Variants in METTL15 observed in about 807,000 individuals in gnomAD.
METTL15 encodes methyltransferase 15, mitochondrial 12S rRNA N4-cytidine.
Under a neutral mutation model 38.3 loss-of-function variants are expected in METTL15, and 34 were observed. That is an observed-to-expected ratio of 0.89 (90% CI 0.68 to 1.18). The LOEUF (loss-of-function observed/expected upper bound fraction) is 1.18. Ranked by LOEUF, METTL15 falls within the 50% of genes most tolerant of loss-of-function variation. The pLI, the probability that METTL15 is intolerant of heterozygous loss-of-function variation, is 0.00. For synonymous variants in METTL15, 162 were observed against 170.9 expected, an observed-to-expected ratio of 0.95 and a Z score of 0.41; for missense variants, 438 against 498.4, an observed-to-expected ratio of 0.88 and a Z score of 1.15.
chr11:28,152,370 A>G (rs181741930), intron 3 of METTL15, among the ~76,000 whole-genome samples: 1 of 152,100 alleles, frequency 6.6e-6, no homozygotes, highest in East Asian at 1.9e-4. Flanking sequence ...GTGAGGAGGA[A>G]GTAGGCTTTA....
intron 4 of METTL15, among the ~76,000 whole-genome samples, chr11:28,288,283 T>C (rs773135318): frequency 1.3e-5 from 2 of 152,104 alleles, no homozygotes; most frequent in Non-Finnish European, 2.9e-5. Flanking sequence ...AAGTCAGAAA[T>C]ACCATTCAAC....
chr11:28,287,154 CAATGTGTGTGTGTGTGT>C (rs1482458264), intron 4 of METTL15: 16 of 85,444 alleles, frequency 1.9e-4, no homozygotes, highest in African/African-American at 7.4e-4. Flanking sequence ...GAGAGAGAGA[CAATGTGTGTGTGTGTGT>C]GTGTGTGTGT....
At chr11:28,518,294 T>C (rs1851736117) in intron 6 of METTL15, among the ~76,000 whole-genome samples, 1 of 152,196 alleles carries the variant, frequency 6.6e-6, no homozygotes, top group Non-Finnish European at 1.5e-5. Flanking sequence ...GGGAAGGAAC[T>C]ATCCTGGTTG....
intron 5 of METTL15, among the ~76,000 whole-genome samples, chr11:28,375,659 T>G (rs994699603): frequency 1.4e-4 from 22 of 152,174 alleles, no homozygotes; most frequent in African/African-American, 5.1e-4. Context: ...TTTGTGTCTC[T>G]ATTTCCTTCA....
At chr11:28,200,609 T>G (rs925197623) in intron 3 of METTL15, among the ~76,000 whole-genome samples, 1 of 152,186 alleles carries the variant, frequency 6.6e-6, no homozygotes, top group African/African-American at 2.4e-5. Flanking sequence ...AGTAAAATTT[T>G]TTTTTGTCCT....
chr11:28,374,209 T>G (rs1850279904), intron 5 of METTL15, among the ~76,000 whole-genome samples: 1 of 152,126 alleles, frequency 6.6e-6, no homozygotes, highest in African/African-American at 2.4e-5. Flanking sequence ...AAGAAAGTCA[T>G]TGGTAGCTTG....
chr11:28,146,177 A>G (rs953253663), intron 3 of METTL15, among the ~76,000 whole-genome samples: 2 of 152,050 alleles, frequency 1.3e-5, no homozygotes, highest in Admixed American at 6.6e-5. Context: ...AACTTTCTGG[A>G]AAGTTGTTCC....
At chr11:28,116,530 G>A (rs750253148) in intron 3 of METTL15, among the ~76,000 whole-genome samples, 3 of 152,178 alleles carry the variant, frequency 2.0e-5, no homozygotes, top group Non-Finnish European at 4.4e-5. Flanking sequence ...ATGTGCATGT[G>A]TGCACACACC....
intron 6 of METTL15, chr11:28,519,006 G>A (rs774089024): frequency 1.3e-5 from 2 of 152,242 alleles, no homozygotes; most frequent in Non-Finnish European, 2.9e-5. Flanking sequence ...TCAGGGAGGA[G>A]AGTCATTGCT....
At chr11:28,199,670 C>T (rs1852036102) in intron 3 of METTL15, among the ~76,000 whole-genome samples, 1 of 151,832 alleles carries the variant, frequency 6.6e-6, no homozygotes, top group African/African-American at 2.4e-5. Flanking sequence ...AAGTAAATGG[C>T]TCCAATATAC....
In METTL15 at chr11:28,375,463, T is replaced by C. The variant is rs1158098264; in HGVS notation, c.*358+13427T>C. Among the ~76,000 whole-genome samples, 13 of 152,004 alleles carry C rather than the reference T, an allele frequency of 8.6e-5. No individual in the cohort carries two copies. The South Asian group carries it at 2.7e-3, about 32-fold the overall frequency. ...TCTAGTTTATTTGCATAGAGGTGTT[T>C]GTAGTATTCTCTGATGGTAGTTTGT... On this transcript the variant is annotated intron_variant and NMD_transcript_variant, in intron 5 of 7. Transcript: ENST00000532947.
intron 6 of METTL15, among the ~76,000 whole-genome samples, chr11:28,481,347 GAATACAGC>G (rs1326680228): frequency 6.6e-6 from 1 of 152,200 alleles, no homozygotes; most frequent in Non-Finnish European, 1.5e-5. Flanking sequence ...TTAAGCCGCT[GAATACAGC>G]CCATAGGAAA....
At chr11:28,320,560 C>T (rs1339314346) in intron 6 of METTL15, among the ~76,000 whole-genome samples, 6 of 151,610 alleles carry the variant, frequency 4.0e-5, no homozygotes, top group East Asian at 1.9e-4. Flanking sequence ...CCTGTGCCCC[C>T]GACCCCCCAA....
intron 6 of METTL15, among the ~76,000 whole-genome samples, chr11:28,472,003 T>C (rs1851308260): frequency 6.6e-6 from 1 of 152,120 alleles, no homozygotes; most frequent in South Asian, 2.1e-4. Context: ...GACTAAGATG[T>C]TGAAAAAGAC....
intron 5 of METTL15, among the ~76,000 whole-genome samples, chr11:28,381,046 A>G (rs916020591): frequency 1.3e-5 from 2 of 152,182 alleles, no homozygotes; most frequent in Admixed American, 1.3e-4. Flanking sequence ...GCGGAAGTCC[A>G]GTGGCATGTT....
intron 6 of METTL15, among the ~76,000 whole-genome samples, chr11:28,302,805 A>G (rs957048292): frequency 6.6e-6 from 1 of 152,182 alleles, no homozygotes; most frequent in Non-Finnish European, 1.5e-5. Flanking sequence ...GTAAGTTGAA[A>G]TGATATTAAT....
At chr11:28,368,738 G>A (rs1004085417) in intron 5 of METTL15, among the ~76,000 whole-genome samples, 1 of 152,092 alleles carries the variant, frequency 6.6e-6, no homozygotes, top group African/African-American at 2.4e-5. Context: ...CAATAGCAAA[G>A]ACTTGGAACC....
chr11:28,235,942 T>G (rs1024353760), intron 4 of METTL15, among the ~76,000 whole-genome samples: 10 of 151,608 alleles, frequency 6.6e-5, no homozygotes, highest in African/African-American at 1.9e-4. Context: ...TGGCTGTGGG[T>G]TTGTCATAGA....
chr11:28,230,719 G>T (rs182791228), intron 4 of METTL15, among the ~76,000 whole-genome samples: 1 of 151,706 alleles, frequency 6.6e-6, no homozygotes, highest in East Asian at 1.9e-4. Context: ...TCCTGTTCTC[G>T]ACACCCCCCA....
Sources: allele counts gnomAD v4.1 joint callset (sites outside exome capture counted in the v4.1 genomes callset), GRCh38; gene constraint gnomAD v4.1.1; transcripts MANE v1.5; gene names NCBI Gene and HGNC (gene_info 2026-07-23, HGNC 2026-07-21).